Variants in FLT1 observed in about 807,000 individuals in gnomAD.
The protein encoded by FLT1 is vascular endothelial growth factor receptor 1.
Under a neutral mutation model 156.3 loss-of-function variants are expected in FLT1, and 49 were observed. The ratio of observed to expected loss-of-function variants is 0.31; its 90% CI spans 0.25 to 0.40. The LOEUF is 0.40. Among genes scored for constraint, FLT1 ranks in the 10% least tolerant of loss-of-function variants. FLT1 has a pLI of 1.00. For missense variants in FLT1, 1,322 were observed against 1,637.2 expected (o/e 0.81, Z 3.32); for synonymous variants, 594 against 583.8 (o/e 1.02, Z -0.25).
chr13:28,351,960 CA>C (rs1389035826), intron 15 of FLT1, among the ~76,000 whole-genome samples: 1 of 152,180 alleles, frequency 6.6e-6, no homozygotes, highest in Admixed American at 6.5e-5. Context: ...AACAAGCCTA[CA>C]AAGATTGGTA....
intron 14 of FLT1, among the ~76,000 whole-genome samples, chr13:28,376,389 A>T (rs921489566): frequency 1.3e-5 from 2 of 152,248 alleles, no homozygotes; most frequent in Non-Finnish European, 2.9e-5. Flanking sequence ...ACCTTAAAAT[A>T]TTCTAAAAAT....
chr13:28,412,798 G>GCGATCT (rs1876388087), intron 10 of FLT1, among the ~76,000 whole-genome samples: 1 of 146,456 alleles, frequency 6.8e-6, no homozygotes, highest in South Asian at 2.2e-4. Context: ...GTGCAGTGGC[G>GCGATCT]CGATCTCGGC....
intron 28 of FLT1, chr13:28,308,462 AAGGCTGC>A: frequency 3.7e-5 from 12 of 326,776 alleles, no homozygotes; most frequent in South Asian, 8.5e-5. Flanking sequence ...TCCCAGCCTC[AAGGCTGC>A]TTGCAGGAAC....
rs745943243 is a variant in FLT1 at position 28,311,597 on chromosome 13, C to T, written c.3628G>A (p.Asp1210Asn). 5.0e-6 allele frequency: 8 copies of T among 1,613,220 alleles called. No homozygotes were observed. Among genetic ancestry groups the T allele is most frequent in the Non-Finnish European group, 5.1e-6 (6 of 1,179,640 alleles). The change falls in exon 27 of 30, where the codon GAT (aspartate) becomes AAT (asparagine). Residue 1210 changes from aspartate (D) to asparagine (N), a missense_variant. This residue lies in a region of FLT1 where 329 missense variants were observed against 366.2 expected (regional missense o/e 0.90). Transcript: ENST00000282397. ...APKFNSGSSDDVRYVNAFKFM... is the reference protein window; with the variant it reads ...APKFNSGSSDNVRYVNAFKFM... ...TTGAGAAAGAAATCTTACCTGACAT[C>T]ATCAGAGCTTCCTGAATTAAACTTC...
At chr13:28,319,367 G>T in intron 24 of FLT1, 56 bp downstream of exon 24, 1 of 1,143,818 alleles carries the variant, frequency 8.7e-7, no homozygotes, top group Non-Finnish European at 1.3e-6. Context: ...ACATTCAGCA[G>T]AAGATGCAGA....
chr13:28,414,296 T>G (rs1305948595), intron 10 of FLT1, among the ~76,000 whole-genome samples: 1 of 152,230 alleles, frequency 6.6e-6, no homozygotes, highest in Non-Finnish European at 1.5e-5. Context: ...AACTCCATAC[T>G]AGTCTTACAC....
rs569830061 is a variant in FLT1 at position 28,379,898 on chromosome 13, G to A, written c.2116+4987C>T. Reference sequence around the variant, plus strand: ...TACCCCAAGTAGGCATTTTATAGGCGCTTGTACAAAGCTTGAGCCCTTGTG... The same window carrying A: ...TACCCCAAGTAGGCATTTTATAGGCACTTGTACAAAGCTTGAGCCCTTGTG... On this transcript the variant is annotated intron_variant, in intron 14 of 29. Coordinates refer to ENST00000282397, the MANE Select transcript of FLT1 (RefSeq NM_002019.4). Among the ~76,000 whole-genome samples the A allele has an allele frequency of 2.6e-5, 4 of 152,228 alleles. No individual in the cohort carries two copies. The South Asian group carries it at 8.3e-4, about 32-fold the overall frequency.
chr13:28,392,946 T>C (rs1183001111), intron 12 of FLT1, among the ~76,000 whole-genome samples: 3 of 152,156 alleles, frequency 2.0e-5, no homozygotes, highest in Non-Finnish European at 4.4e-5. Context: ...TTTTGATCCA[T>C]GGAAGATGAT....
chr13:28,303,354 C>T lies in FLT1; in HGVS notation c.3830G>A (p.Ser1277Asn), dbSNP rs765429388. ...AGACAGCCCCGACTCCTTACTTTTA[C>T]TGGTTACTCTCAAGCTAAAGAAAGA... is the stretch of plus-strand genomic sequence containing the variant. ...ASLKIDLRVT[S>N]KSKESGLSDV... Residue 1277 changes from serine (S) to asparagine (N), a missense_variant, in exon 30 of 30, where the codon AGT becomes AAT. Transcript: ENST00000282397. 6.8e-6 allele frequency: 11 copies of T among 1,613,854 alleles called. No individual in the cohort carries two copies. The highest frequency in any genetic ancestry group is 6.7e-5 in the Admixed American group (4 of 59,990).
intron 3 of FLT1, among the ~76,000 whole-genome samples, chr13:28,466,003 A>T (rs618039): frequency 0.15 from 22,397 of 151,934 alleles, 3,018 homozygotes; most frequent in African/African-American, 0.36. Context: ...TGTTTTTTTT[A>T]AACCTGATTC....
chr13:28,419,436 G>C (rs528552532), intron 10 of FLT1, among the ~76,000 whole-genome samples: 1 of 152,276 alleles, frequency 6.6e-6, no homozygotes, highest in East Asian at 1.9e-4. Flanking sequence ...TAATAAAAAT[G>C]CTCATTCAAT....
chr13:28,491,318 C>T (rs1005128121), intron 1 of FLT1, among the ~76,000 whole-genome samples: 2 of 151,996 alleles, frequency 1.3e-5, no homozygotes, highest in African/African-American at 4.8e-5. Context: ...GTTTAGTATC[C>T]CTGTTAAAAT....
intron 10 of FLT1, among the ~76,000 whole-genome samples, chr13:28,420,670 C>T (rs1876949732): frequency 6.6e-6 from 1 of 152,098 alleles, no homozygotes. Flanking sequence ...AAATATGGGA[C>T]ATAAAACTGT....
In FLT1 at chr13:28,440,052, A is replaced by G. The variant is rs552532171; in HGVS notation, c.389-1707T>C. Among the ~76,000 whole-genome samples, 392 of 152,138 alleles carry G rather than the reference A, an allele frequency of 2.6e-3. 1 individual carries two copies. The highest frequency in any genetic ancestry group is 8.9e-3 in the African/African-American group (371 of 41,496). Reference sequence around the variant, plus strand: ...TGTGGTCCCTGGCACCTATATGTTAATTATTCCCACTCATCCTCCGGGAAG... The same window carrying G: ...TGTGGTCCCTGGCACCTATATGTTAGTTATTCCCACTCATCCTCCGGGAAG... On this transcript the variant is annotated intron_variant, in intron 3 of 29. Transcript: ENST00000282397.
At position 28,334,209 on chromosome 13, in the gene FLT1, T is replaced by G. The variant is rs2138845767; in HGVS notation, c.2489-80A>C. Reference sequence around the variant, plus strand: ...GTCTTTTTCAGGAAGGAAATGCCTTTTCCTATGTGTGCATGTGAGGCATGG... The same window carrying G: ...GTCTTTTTCAGGAAGGAAATGCCTTGTCCTATGTGTGCATGTGAGGCATGG... On this transcript the variant is annotated intron_variant, in intron 17 of 29. Coordinates refer to ENST00000282397, the MANE Select transcript of FLT1 (RefSeq NM_002019.4). 3 of 906,822 alleles carry G rather than the reference T, an allele frequency of 3.3e-6. No individual in the cohort carries two copies. The East Asian group carries it at 7.2e-5, about 22-fold the overall frequency. 56.2% of individuals were successfully genotyped at this position (906,822 alleles called of 1,614,324 possible). A position where few individuals can be genotyped will look rare whatever the true frequency, so the allele number is the denominator to read the frequency against.
chr13:28,323,436 G>A (rs1871554041), intron 20 of FLT1, among the ~76,000 whole-genome samples: 1 of 152,132 alleles, frequency 6.6e-6, no homozygotes, highest in African/African-American at 2.4e-5. Flanking sequence ...TGAATCACGT[G>A]AGGTCGGGAG....
At chr13:28,374,293 T>C (rs1384763091) in intron 14 of FLT1, among the ~76,000 whole-genome samples, 1 of 151,854 alleles carries the variant, frequency 6.6e-6, no homozygotes, top group East Asian at 2.0e-4. Flanking sequence ...CATGTGACTA[T>C]AGTCCCAGCT....
chr13:28,307,926 C>T (rs1324322275), intron 28 of FLT1, among the ~76,000 whole-genome samples: 1 of 152,192 alleles, frequency 6.6e-6, no homozygotes, highest in Non-Finnish European at 1.5e-5. Flanking sequence ...AGCCCACCAC[C>T]ACGCCCAGCT....
intron 10 of FLT1, among the ~76,000 whole-genome samples, chr13:28,426,318 C>T (rs1877339548): frequency 6.6e-6 from 1 of 152,080 alleles, no homozygotes; most frequent in East Asian, 1.9e-4. Flanking sequence ...AGTATCATCC[C>T]TCTAGACTAA....
Sources: allele counts gnomAD v4.1 joint callset (sites outside exome capture counted in the v4.1 genomes callset), GRCh38; gene constraint gnomAD v4.1.1; regional missense constraint gnomAD v4.1.1; transcripts MANE v1.5; gene names NCBI Gene and HGNC (gene_info 2026-07-23, HGNC 2026-07-21).